KAZN: variants seen among roughly 807,000 people sequenced by gnomAD.
KAZN encodes the protein kazrin, periplakin interacting protein.
Under a neutral mutation model 87.4 loss-of-function variants are expected in KAZN, and 40 were observed. The observed-to-expected ratio is 0.46, with a 90% CI of 0.36 to 0.60. KAZN has a LOEUF of 0.60. Among genes scored for constraint, KAZN ranks in the 20% least tolerant of loss-of-function variants. KAZN has a pLI of 0.00. For synonymous variants in KAZN, 466 were observed against 458.3 expected (o/e 1.02, Z -0.22); for missense variants, 898 against 1,073.9 (o/e 0.84, Z 2.29).
intron 1 of KAZN, among the ~76,000 whole-genome samples, chr1:13,966,921 C>T (rs976157942): frequency 2.0e-5 from 3 of 151,690 alleles, no homozygotes; most frequent in African/African-American, 7.3e-5. Flanking sequence ...TATGGTTTAC[C>T]ATACAGTACT....
At chr1:14,930,150 C>T (rs1659644763) in intron 1 of KAZN, 5 of 859,678 alleles carry the variant, frequency 5.8e-6, no homozygotes, top group African/African-American at 3.7e-5. Flanking sequence ...CCTCAGTCTA[C>T]GTGCTGGACA....
chr1:14,627,501 G>A (rs569363937), intron 1 of KAZN, among the ~76,000 whole-genome samples: 1 of 152,140 alleles, frequency 6.6e-6, no homozygotes, highest in Non-Finnish European at 1.5e-5. Context: ...GACTTAAAAG[G>A]CTCGCTCCTC....
At chr1:14,528,358 AAAAG>A (rs577721991) in intron 2 of KAZN, among the ~76,000 whole-genome samples, 1,778 of 142,602 alleles carry the variant, frequency 0.012, 63 homozygotes, top group South Asian at 0.026. Context: ...AAAAAAAAAA[AAAAG>A]AAAGAAAAAA....
At chr1:14,623,415 AT>A (rs1323099580) in intron 1 of KAZN, among the ~76,000 whole-genome samples, 1 of 152,228 alleles carries the variant, frequency 6.6e-6, no homozygotes, top group Admixed American at 6.5e-5. Flanking sequence ...GGAGCGAAAC[AT>A]TGAGTGCACT....
Position 15,094,260 on chromosome 1 carries a change from G to A in KAZN, c.1303G>A (p.Val435Met). 6.2e-7 allele frequency: 1 copy of A among 1,613,970 alleles called. No homozygotes were observed. ...GEEQMDRLQQ[V>M]ELVRTTPMSH... is the part of the protein sequence containing the mutation. ...GGAGCAGATGGACCGGCTGCAGCAG[G>A]TGGAGCTGGTGAGGACCACCCCTAT... Residue 435 changes from valine to methionine, a missense_variant, in exon 9 of 15, where the codon GTG becomes ATG. By Grantham distance (21) the Val-to-Met change is conservative. Transcript: ENST00000376030. The surrounding 1 kb of genome is among the most constrained non-coding windows in gnomAD (Gnocchi z 4.5).
chr1:13,965,936 G>A (rs1370015091), intron 1 of KAZN, among the ~76,000 whole-genome samples: 4 of 152,168 alleles, frequency 2.6e-5, no homozygotes, highest in Non-Finnish European at 5.9e-5. Flanking sequence ...CCTGCAAGAA[G>A]GGCTGGGTCC....
At chr1:14,734,214 C>T (rs544771452) in intron 1 of KAZN, among the ~76,000 whole-genome samples, 1 of 152,210 alleles carries the variant, frequency 6.6e-6, no homozygotes, top group Admixed American at 6.5e-5. Context: ...CTGTACAGTG[C>T]GCCTGAAGCA....
At chr1:14,699,839 T>A (rs1321167099) in intron 1 of KAZN, among the ~76,000 whole-genome samples, 1 of 152,186 alleles carries the variant, frequency 6.6e-6, no homozygotes, top group Non-Finnish European at 1.5e-5. Context: ...AAACTGTCTC[T>A]GTGATGTCAT....
intron 2 of KAZN, among the ~76,000 whole-genome samples, chr1:14,306,508 C>T (rs1654940264): frequency 1.3e-5 from 2 of 152,132 alleles, no homozygotes; most frequent in Non-Finnish European, 2.9e-5. Flanking sequence ...TTTGCTCTTT[C>T]CTGATTCTAA....
rs146107277 is a variant in KAZN, at chr1:14,073,799, T to C, written c.92-106636T>C. On this transcript the variant is annotated intron_variant, in intron 1 of 16. Transcript: ENST00000636203. Reference sequence around the variant, plus strand: ...CACATTGTCTTTATCCAGTCTATCATTGATGGACATTTGGGTTGGTTCCAA... The same window carrying C: ...CACATTGTCTTTATCCAGTCTATCACTGATGGACATTTGGGTTGGTTCCAA... 2.4e-3 allele frequency among the ~76,000 whole-genome samples: 361 copies of C among 152,350 alleles called. 1 individual carries two copies. The highest frequency in any genetic ancestry group is 8.1e-3 in the African/African-American group (337 of 41,578).
At chr1:14,476,361 G>T (rs1213333909) in intron 2 of KAZN, among the ~76,000 whole-genome samples, 1 of 152,160 alleles carries the variant, frequency 6.6e-6, no homozygotes, top group Non-Finnish European at 1.5e-5. Context: ...TCATCCCTTT[G>T]CTTAGTGAAG....
At chr1:14,102,571 C>T (rs1644281292) in intron 1 of KAZN, among the ~76,000 whole-genome samples, 2 of 152,216 alleles carry the variant, frequency 1.3e-5, no homozygotes, top group Non-Finnish European at 2.9e-5. Flanking sequence ...TTCACTCATG[C>T]AGCCCCTCCT....
At chr1:14,235,101 A>G (rs1349575448) in intron 2 of KAZN, among the ~76,000 whole-genome samples, 1 of 152,238 alleles carries the variant, frequency 6.6e-6, no homozygotes, top group Non-Finnish European at 1.5e-5. Flanking sequence ...TCACAGCAGC[A>G]TTATTCATAA....
At chr1:14,097,555 C>T (rs537139295) in intron 1 of KAZN, among the ~76,000 whole-genome samples, 3 of 151,924 alleles carry the variant, frequency 2.0e-5, no homozygotes, top group Non-Finnish European at 4.4e-5. Flanking sequence ...GCATTGTATT[C>T]GTAGTCAGTA....
At chr1:14,507,464 C>T (rs1436511875) in intron 2 of KAZN, among the ~76,000 whole-genome samples, 2 of 152,202 alleles carry the variant, frequency 1.3e-5, no homozygotes, top group Non-Finnish European at 2.9e-5. Context: ...AGTTGCCAAG[C>T]GATGGCTAGA....
At chr1:14,244,307 C>G (rs750776209) in intron 2 of KAZN, among the ~76,000 whole-genome samples, 4 of 152,198 alleles carry the variant, frequency 2.6e-5, no homozygotes, top group Non-Finnish European at 5.9e-5. Context: ...GAGAAGCCAC[C>G]TCTGGCTACT....
chr1:15,031,156 G>A (rs900339953), intron 2 of KAZN, among the ~76,000 whole-genome samples: 4 of 152,262 alleles, frequency 2.6e-5, no homozygotes, highest in African/African-American at 7.2e-5. Flanking sequence ...GGACCCTCCA[G>A]GTTTAGGGAG....
Position 14,933,908 on chromosome 1 carries a change from T to C in KAZN, c.227-26776T>C, listed in dbSNP as rs191877003. 5.8e-3 allele frequency among the ~76,000 whole-genome samples: 886 copies of C among 151,670 alleles called. 7 individuals carry two copies. Among genetic ancestry groups the C allele is most frequent in the African/African-American group, 0.019 (770 of 41,352 alleles). On this transcript the variant is annotated intron_variant, in intron 1 of 14. Transcript: ENST00000376030. Reference sequence around the variant, plus strand: ...TGTCACCCAGGCTGGAGTGCAGTGATGTGATCTCGGCTCACTGCAAGCTCC... The same window carrying C: ...TGTCACCCAGGCTGGAGTGCAGTGACGTGATCTCGGCTCACTGCAAGCTCC...
In KAZN at chr1:15,044,158, T is replaced by C; in HGVS notation, c.725T>C (p.Met242Thr). 1 of 1,577,790 alleles carries C rather than the reference T, an allele frequency of 6.3e-7. No individual in the cohort carries two copies. Among genetic ancestry groups the C allele is most frequent in the South Asian group, 1.1e-5 (1 of 89,102 alleles). The change falls in exon 4 of 15, where the codon ATG becomes ACG. Residue 242 changes from methionine to threonine, a missense_variant and splice_region_variant. Around this residue, in one of 3 missense-constraint regions of KAZN, gnomAD observed 521 missense variants for 689.4 expected, o/e 0.76. Coordinates refer to ENST00000376030, the MANE Select transcript of KAZN (RefSeq NM_201628.3). Reference protein sequence around the residue: ...RMKELEAELAMAKQSLATLTK... With the variant: ...RMKELEAELATAKQSLATLTK... Reference sequence around the variant, plus strand: ...AAGGAGCTGGAGGCCGAGCTGGCCATGGTGAGAACCCTCCCCACCCAGGTG... The same window carrying C: ...AAGGAGCTGGAGGCCGAGCTGGCCACGGTGAGAACCCTCCCCACCCAGGTG...
Sources: gnomAD v4.1 joint callset for allele counts (sites outside exome capture counted in the v4.1 genomes callset) on GRCh38, gnomAD v4.1.1 for gene constraint, gnomAD v4.1.1 regional missense constraint, Gnocchi (gnomAD v3.1) non-coding constraint, MANE v1.5 for transcripts, NCBI Gene and HGNC (gene_info 2026-07-23, HGNC 2026-07-21) for gene names.